CUL2: variants seen among roughly 807,000 people sequenced by gnomAD.
The protein encoded by CUL2 is cullin-2.
CUL2 carries 22 observed loss-of-function variants against 110.2 expected under a neutral mutation model. That is an observed-to-expected ratio of 0.20 (90% CI 0.14 to 0.28). The LOEUF (loss-of-function observed/expected upper bound fraction) is 0.28. Among genes scored for constraint, CUL2 ranks in the 10% least tolerant of loss-of-function variants. The pLI, the probability that CUL2 is intolerant of heterozygous loss-of-function variation, is 1.00. For synonymous variants in CUL2, 279 were observed against 293.2 expected, an observed-to-expected ratio of 0.95 and a Z score of 0.49; for missense variants, 631 against 905.5, an observed-to-expected ratio of 0.70 and a Z score of 3.89.
At chr10:35,044,403 C>T (rs566516852) in intron 8 of CUL2, among the ~76,000 whole-genome samples, 163 bp downstream of exon 8, 13 of 151,886 alleles carry the variant, frequency 8.6e-5, no homozygotes, top group African/African-American at 1.7e-4. Flanking sequence ...ACTTATCAAT[C>T]GATATTATAT....
At chr10:35,081,887 T>C (rs1042315101) in intron 1 of CUL2, among the ~76,000 whole-genome samples, 4 of 152,152 alleles carry the variant, frequency 2.6e-5, no homozygotes, top group Admixed American at 6.5e-5. Context: ...ATCCTGCCTA[T>C]GTCCTGACAC....
At chr10:35,119,851 A>C (rs2087656867) in intron 1 of CUL2, 1 of 152,188 alleles carries the variant, frequency 6.6e-6, no homozygotes, top group African/African-American at 2.4e-5. Flanking sequence ...TGTTGAGATT[A>C]TAGGCACAGG....
chr10:35,072,603 C>T (rs1400707903), intron 1 of CUL2, among the ~76,000 whole-genome samples: 4 of 152,086 alleles, frequency 2.6e-5, no homozygotes, highest in East Asian at 1.9e-4. Flanking sequence ...CTCCTGACCT[C>T]GTGATCCGCC....
chr10:35,067,472 G>A (rs1212649693), intron 2 of CUL2, among the ~76,000 whole-genome samples: 2 of 151,982 alleles, frequency 1.3e-5, no homozygotes, highest in African/African-American at 2.4e-5. Context: ...ACCATTGGCC[G>A]GTCACAGTGG....
intron 1 of CUL2, among the ~76,000 whole-genome samples, chr10:35,071,684 A>G (rs2086685801): frequency 6.6e-6 from 1 of 152,212 alleles, no homozygotes; most frequent in South Asian, 2.1e-4. Context: ...CTGGGATTAC[A>G]GGCATGAACC....
chr10:35,011,455 G>A lies in CUL2; in HGVS notation c.2106+393C>T, dbSNP rs569085346. Among the ~76,000 whole-genome samples, 67 of 151,862 alleles carry A rather than the reference G, an allele frequency of 4.4e-4. 1 individual carries two copies. The highest frequency in any genetic ancestry group is 7.7e-4 in the Non-Finnish European group (52 of 67,904). On this transcript the variant is annotated intron_variant, in intron 20 of 20. Coordinates refer to ENST00000374749, the MANE Select transcript of CUL2 (RefSeq NM_003591.4). ...CAACATGGTGAAACCCTGTCTCTAC[G>A]AAAAATACAAAAATTAGCCAAGTAT...
intron 14 of CUL2, among the ~76,000 whole-genome samples, chr10:35,030,610 T>C (rs568342073): frequency 5.0e-4 from 76 of 152,324 alleles, no homozygotes; most frequent in African/African-American, 1.8e-3. Flanking sequence ...CTTGAACTAC[T>C]GAGCTCAAAC....
intron 1 of CUL2, among the ~76,000 whole-genome samples, chr10:35,102,884 G>GAA (rs750018715): frequency 5.5e-5 from 6 of 108,426 alleles, no homozygotes; most frequent in Non-Finnish European, 4.0e-5. Flanking sequence ...CTCTGTCTCA[G>GAA]AAAAAAAAAA....
At chr10:35,057,787 A>G (rs1290899132) in intron 4 of CUL2, among the ~76,000 whole-genome samples, 1 of 149,872 alleles carries the variant, frequency 6.7e-6, no homozygotes, top group Non-Finnish European at 1.5e-5. Context: ...TATTAACCAC[A>G]TATTTGCTTC....
intron 6 of CUL2, among the ~76,000 whole-genome samples, chr10:35,046,962 AAC>A (rs1743419868): frequency 6.6e-6 from 1 of 152,150 alleles, no homozygotes; most frequent in African/African-American, 2.4e-5. Flanking sequence ...AAAGGAAAGA[AAC>A]AAACAGTTAT....
intron 1 of CUL2, among the ~76,000 whole-genome samples, chr10:35,112,060 T>G (rs1342879686): frequency 6.6e-6 from 1 of 152,214 alleles, no homozygotes; most frequent in African/African-American, 2.4e-5. Flanking sequence ...AACCAAATCC[T>G]ATTTCAGCTC....
intron 1 of CUL2, among the ~76,000 whole-genome samples, chr10:35,106,735 G>C (rs2087462204): frequency 6.6e-6 from 1 of 152,076 alleles, no homozygotes; most frequent in Admixed American, 6.6e-5. Context: ...GTTAGAAAAA[G>C]GATAAATTAT....
chr10:35,087,735 C>A (rs2087098497), intron 1 of CUL2, among the ~76,000 whole-genome samples: 1 of 152,194 alleles, frequency 6.6e-6, no homozygotes, highest in Non-Finnish European at 1.5e-5. Context: ...AAATAAATCT[C>A]AAAACGTTTT....
chr10:35,050,537 AC>A (rs1351756880), intron 5 of CUL2, among the ~76,000 whole-genome samples: 8 of 152,156 alleles, frequency 5.3e-5, no homozygotes, highest in African/African-American at 1.9e-4. Context: ...TGTATTCACT[AC>A]CCAGTTTAAG....
Position 35,065,417 on chromosome 10 carries a change from G to A in CUL2, c.120-2355C>T, listed in dbSNP as rs1241532053. 2.6e-5 allele frequency among the ~76,000 whole-genome samples: 4 copies of A among 152,176 alleles called. No individual in the cohort carries two copies. The South Asian group carries it at 6.2e-4, about 24-fold the overall frequency. On this transcript the variant is annotated intron_variant, in intron 2 of 20. Transcript: ENST00000374749. Reference sequence around the variant, plus strand: ...GGGCAGATCATGAGGTCAGGAGATCGAGACCATCCTGGCTAACATGGTGAA... The same window carrying A: ...GGGCAGATCATGAGGTCAGGAGATCAAGACCATCCTGGCTAACATGGTGAA...
chr10:35,054,013 C>A (rs1164854165), intron 5 of CUL2, among the ~76,000 whole-genome samples: 1 of 152,170 alleles, frequency 6.6e-6, no homozygotes, highest in African/African-American at 2.4e-5. Flanking sequence ...ATGGACCAAA[C>A]TGCCCATTTA....
At chr10:35,054,982 AAC>A (rs1235693514) in intron 4 of CUL2, among the ~76,000 whole-genome samples, 1 of 152,248 alleles carries the variant, frequency 6.6e-6, no homozygotes, top group African/African-American at 2.4e-5. Flanking sequence ...AAGAAAATGG[AAC>A]ACAGTGTTAC....
Position 35,031,221 on chromosome 10 carries a change from T to A in CUL2, c.1386+79A>T. ...CCAGATGAATTGTTTCCTGTTACTG[T>A]ACACAATGCTGCAATGAACATCTTT... On this transcript the variant is annotated intron_variant, in intron 14 of 20. Transcript: ENST00000374749. This position sits in a 1 kb window ranked among gnomAD's most constrained non-coding sequence, Gnocchi z 4.4. 1.1e-6 allele frequency: 1 copy of A among 876,202 alleles called. No individual in the cohort carries two copies. The highest frequency in any genetic ancestry group is 1.8e-6 in the Non-Finnish European group (1 of 557,638). 54.3% of individuals were successfully genotyped at this position (876,202 alleles called of 1,614,324 possible). A position where few individuals can be genotyped will look rare whatever the true frequency, so the allele number is the denominator to read the frequency against.
At chr10:35,027,775 G>T (rs973064563) in intron 16 of CUL2, among the ~76,000 whole-genome samples, 1 of 152,100 alleles carries the variant, frequency 6.6e-6, no homozygotes, top group Non-Finnish European at 1.5e-5. Flanking sequence ...CCCTCTACTG[G>T]TAATTGGAGA....
Sources: gnomAD v4.1 joint callset for allele counts (sites outside exome capture counted in the v4.1 genomes callset) on GRCh38, gnomAD v4.1.1 for gene constraint, Gnocchi (gnomAD v3.1) non-coding constraint, MANE v1.5 for transcripts, NCBI Gene and HGNC (gene_info 2026-07-23, HGNC 2026-07-21) for gene names.